The following ARHGEF10L variants were observed in gnomAD, a reference collection of about 807,000 sequenced individuals.
ARHGEF10L encodes Rho guanine nucleotide exchange factor 10 like.
In ARHGEF10L, 69 loss-of-function variants were observed where a neutral mutation model predicts 141.2. The observed-to-expected ratio is 0.49, with a 90% CI of 0.40 to 0.60. The LOEUF (loss-of-function observed/expected upper bound fraction) is 0.60, where lower values mean the gene tolerates loss of function less well. Ranked by LOEUF, ARHGEF10L falls within the 20% of genes least tolerant of loss-of-function variation. ARHGEF10L has a pLI of 0.00. For missense variants in ARHGEF10L, 1,482 were observed against 1,734.3 expected (o/e 0.85, Z 2.58); for synonymous variants, 711 against 718.5 (o/e 0.99, Z 0.17).
intron 26 of ARHGEF10L, among the ~76,000 whole-genome samples, chr1:17,682,241 T>C (rs1326651162): frequency 6.6e-6 from 1 of 152,012 alleles, no homozygotes; most frequent in Non-Finnish European, 1.5e-5. Flanking sequence ...AACTCTCGAG[T>C]TGGGGTTCGT....
chr1:17,573,852 G>A lies in ARHGEF10L; in HGVS notation c.-43-6701G>A, dbSNP rs868501627. ...TCAGTGCGGGAGGGTGGGTGCCACC[G>A]ACTCTGGGCTCAGGACAGAGTCTCC... is the stretch of plus-strand genomic sequence containing the variant. On this transcript the variant is annotated intron_variant, in intron 1 of 28. Transcript: ENST00000361221. This position sits in a 1 kb window ranked among gnomAD's most constrained non-coding sequence, Gnocchi z 4.8. Among the ~76,000 whole-genome samples the A allele has an allele frequency of 6.7e-5, 10 of 149,830 alleles. No homozygotes were observed. The highest frequency in any genetic ancestry group is 7.1e-3 in the Middle Eastern group (2 of 282).
chr1:17,649,492 G>A (rs1407020980), intron 22 of ARHGEF10L, among the ~76,000 whole-genome samples: 1 of 152,190 alleles, frequency 6.6e-6, no homozygotes, highest in African/African-American at 2.4e-5. Flanking sequence ...GTAGACTGGG[G>A]ATCTAAACAG....
the ARHGEF10L span, among the ~76,000 whole-genome samples, chr1:17,515,170 G>A: frequency 1.7e-3 from 256 of 152,336 alleles, 1 homozygote; most frequent in Middle Eastern, 0.01. Flanking sequence ...TGGGGAAGGG[G>A]ACATTAGGCA....
intron 14 of ARHGEF10L, among the ~76,000 whole-genome samples, chr1:17,626,636 T>A (rs2060401845): frequency 6.6e-6 from 1 of 152,264 alleles, no homozygotes; most frequent in African/African-American, 2.4e-5. Context: ...GATTGATCTA[T>A]AAGTTTATTT....
At chr1:17,588,859 T>TGG in intron 4 of ARHGEF10L, among the ~76,000 whole-genome samples, 1 of 50,072 alleles carries the variant, frequency 2.0e-5, no homozygotes, top group Non-Finnish European at 3.7e-5. Context: ...AGTGTGTGTG[T>TGG]GTGTGTGTGT....
chr1:17,584,088 A>G (rs781740803), intron 2 of ARHGEF10L, among the ~76,000 whole-genome samples: 1 of 152,118 alleles, frequency 6.6e-6, no homozygotes, highest in Non-Finnish European at 1.5e-5. Context: ...TTTGTCACCC[A>G]GGCTGGGGTG....
chr1:17,618,439 C>T (rs139656107), intron 9 of ARHGEF10L: 24,779 of 1,520,636 alleles, frequency 0.016, 254 homozygotes, highest in Non-Finnish European at 0.02. Context: ...GTGATGTGGG[C>T]CCGGCAGGAG....
rs952167444 is a variant in ARHGEF10L, at chr1:17,607,673, G to A, written c.434-129G>A. On this transcript the variant is annotated intron_variant, in intron 6 of 28. Transcript: ENST00000361221. The surrounding 1 kb of genome is among the most constrained non-coding windows in gnomAD (Gnocchi z 4.5). ...TCATGGTTGAGGAGGTAGAGCTGGAGCCCCAGGGCCCCCATGTTCTCCCTG... is the reference window on the plus strand; with the variant it reads ...TCATGGTTGAGGAGGTAGAGCTGGAACCCCAGGGCCCCCATGTTCTCCCTG... 9 of 893,606 alleles carry A rather than the reference G, an allele frequency of 1.0e-5. No individual in the cohort carries two copies. The Admixed American group carries it at 3.4e-4, about 33-fold the overall frequency. The allele number at this position is 893,606 out of a possible 1,614,324, so 55.4% of individuals were successfully genotyped here. A position where few individuals can be genotyped will look rare whatever the true frequency, so the allele number is the denominator to read the frequency against.
chr1:17,660,494 G>T (rs768513519), intron 25 of ARHGEF10L, among the ~76,000 whole-genome samples: 1 of 152,206 alleles, frequency 6.6e-6, no homozygotes, highest in Non-Finnish European at 1.5e-5. Flanking sequence ...CACCTCCCAC[G>T]TGTCCCTTTA....
In ARHGEF10L at chr1:17,625,646, G is replaced by T. The variant is rs535048305; in HGVS notation, c.1318-310G>T. Among the ~76,000 whole-genome samples the T allele has an allele frequency of 6.6e-6, 1 of 152,178 alleles. No individual in the cohort carries two copies. The highest frequency in any genetic ancestry group is 2.4e-5 in the African/African-American group (1 of 41,438). Reference sequence around the variant, plus strand: ...TTTAGTTTAAGTGGAGGGAATGGTTGCCTTGGCCACTTCTAGAAGTCTGAC... The same window carrying T: ...TTTAGTTTAAGTGGAGGGAATGGTTTCCTTGGCCACTTCTAGAAGTCTGAC... On this transcript the variant is annotated intron_variant, in intron 13 of 28. Transcript: ENST00000361221. The surrounding 1 kb of genome is among the most constrained non-coding windows in gnomAD (Gnocchi z 4.5).
intron 27 of ARHGEF10L, 179 bp from the exon 28 acceptor site, chr1:17,694,979 G>A (rs537962928): frequency 2.5e-5 from 22 of 869,208 alleles, no homozygotes; most frequent in East Asian, 2.0e-4. Context: ...GCAGGACCTC[G>A]TGGCCAGACC....
chr1:17,654,370 A>G lies in ARHGEF10L; in HGVS notation c.2395-266A>G, dbSNP rs1253373043. Among the ~76,000 whole-genome samples, 2 of 152,140 alleles carry G rather than the reference A, an allele frequency of 1.3e-5. No homozygotes were observed. The highest frequency in any genetic ancestry group is 2.4e-5 in the African/African-American group (1 of 41,422). On this transcript the variant is annotated intron_variant, in intron 22 of 28. Transcript: ENST00000361221. This position sits in a 1 kb window ranked among gnomAD's most constrained non-coding sequence, Gnocchi z 4.3. ...GTGGCTTTCAAGAAATCTTATCTGA[A>G]AGCTGCTCACTTTCAGAGACCCTGG...
At chr1:17,681,073 C>T (rs1432048097) in intron 26 of ARHGEF10L, among the ~76,000 whole-genome samples, 1 of 152,110 alleles carries the variant, frequency 6.6e-6, no homozygotes, top group Non-Finnish European at 1.5e-5. Context: ...ACGCCTGGTC[C>T]CCCATAACTT....
chr1:17,682,016 A>G (rs1269372072), intron 26 of ARHGEF10L, among the ~76,000 whole-genome samples: 1 of 151,942 alleles, frequency 6.6e-6, no homozygotes, highest in Non-Finnish European at 1.5e-5. Context: ...GCGTGCTCTA[A>G]TCAGGACCAT....
In ARHGEF10L at chr1:17,615,135, A is replaced by G. The variant is rs1415075603; in HGVS notation, c.727-959A>G. On this transcript the variant is annotated intron_variant, in intron 8 of 28. Transcript: ENST00000361221. The surrounding 1 kb of genome is among the most constrained non-coding windows in gnomAD (Gnocchi z 4.7). ...CGCACCAGCACATTTCAAGTGCTCA[A>G]TAGTCGCATGTGGCCCGTGGCTCCC... 6.6e-6 allele frequency: 1 copy of G among 152,274 alleles called. No homozygotes were observed. Among genetic ancestry groups the G allele is most frequent in the African/African-American group, 2.4e-5 (1 of 41,478 alleles). The allele number at this position is 152,274 out of a possible 1,614,324, so 9.4% of individuals were successfully genotyped here.
intron 2 of ARHGEF10L, among the ~76,000 whole-genome samples, chr1:17,583,202 T>TAAAAA (rs59088704): frequency 1.8e-5 from 2 of 111,762 alleles, no homozygotes; most frequent in East Asian, 2.6e-4. Flanking sequence ...GAGCTTCATT[T>TAAAAA]AAAAAAAAAA....
chr1:17,636,386 TAAA>T (rs1174981519), intron 18 of ARHGEF10L, among the ~76,000 whole-genome samples: 1 of 152,176 alleles, frequency 6.6e-6, no homozygotes, highest in Non-Finnish European at 1.5e-5. Flanking sequence ...TGAAGAACCA[TAAA>T]ACCAACACCA....
rs979100412 is a variant in ARHGEF10L, at chr1:17,619,524, C to T, written c.942+79C>T. ...GGTTCCAGCCTGTTCTCTGGGGCCA[C>T]GCTTGTCTGGATCTCACAGGGGATA... On this transcript the variant is annotated intron_variant, in intron 10 of 28. Coordinates refer to ENST00000361221, the MANE Select transcript of ARHGEF10L (RefSeq NM_018125.4). The surrounding 1 kb of genome is among the most constrained non-coding windows in gnomAD (Gnocchi z 5.0). 55 of 1,175,858 alleles carry T rather than the reference C, an allele frequency of 4.7e-5. No individual in the cohort carries two copies. The Admixed American group carries it at 8.5e-4, about 18-fold the overall frequency. The allele number at this position is 1,175,858 out of a possible 1,614,324, so 72.8% of individuals were successfully genotyped here.
chr1:17,550,354 G>C (rs1424015547), intron 1 of ARHGEF10L, among the ~76,000 whole-genome samples: 1 of 152,102 alleles, frequency 6.6e-6, no homozygotes, highest in Non-Finnish European at 1.5e-5. Context: ...AGAAGTCCAA[G>C]GGGGTAGGCC....
Sources: gnomAD v4.1 joint callset for allele counts (sites outside exome capture counted in the v4.1 genomes callset) on GRCh38, gnomAD v4.1.1 for gene constraint, Gnocchi (gnomAD v3.1) non-coding constraint, MANE v1.5 for transcripts, NCBI Gene and HGNC (gene_info 2026-07-23, HGNC 2026-07-21) for gene names.